ADRA1B: variants seen among roughly 807,000 people sequenced by gnomAD.
ADRA1B encodes the protein alpha-1B adrenergic receptor.
In ADRA1B, 17 loss-of-function variants were observed where a neutral mutation model predicts 17.9. That is an observed-to-expected ratio of 0.95 (90% CI 0.65 to 1.42). The LOEUF is 1.42. Ranked by LOEUF, ADRA1B falls within the 40% of genes most tolerant of loss-of-function variation. The pLI, the probability that ADRA1B is intolerant of heterozygous loss-of-function variation, is 0.00. For missense variants in ADRA1B, 681 were observed against 722.1 expected (o/e 0.94, Z 0.65); for synonymous variants, 366 against 327.6 (o/e 1.12, Z -1.27).
intron 1 of ADRA1B, among the ~76,000 whole-genome samples, chr5:159,880,466 G>T (rs1753851197): frequency 6.6e-6 from 1 of 152,184 alleles, no homozygotes; most frequent in South Asian, 2.1e-4. Context: ...AGACCATGTG[G>T]ACCCAAGATG....
At chr5:159,957,343 A>G (rs531637623) in intron 1 of ADRA1B, among the ~76,000 whole-genome samples, 1 of 151,510 alleles carries the variant, frequency 6.6e-6, no homozygotes, top group South Asian at 2.1e-4. Flanking sequence ...GTCTCTACCA[A>G]AAAAATACAA....
chr5:159,987,729 A>G, the ADRA1B span, among the ~76,000 whole-genome samples: 1 of 152,192 alleles, frequency 6.6e-6, no homozygotes, highest in Non-Finnish European at 1.5e-5. Flanking sequence ...GGAATCTGGG[A>G]GCTCTCTAAA....
the ADRA1B span, among the ~76,000 whole-genome samples, chr5:159,981,079 A>G: frequency 2.0e-5 from 3 of 152,216 alleles, no homozygotes; most frequent in African/African-American, 4.8e-5. Flanking sequence ...GGGGCTCTCA[A>G]ACTTTCCAAC....
chr5:159,925,699 T>C (rs1754627694), intron 1 of ADRA1B, among the ~76,000 whole-genome samples: 2 of 152,124 alleles, frequency 1.3e-5, no homozygotes, highest in South Asian at 4.1e-4. Context: ...GAAAAGACTG[T>C]AAACCACATA....
chr5:159,891,623 A>G (rs1753983575), intron 1 of ADRA1B, among the ~76,000 whole-genome samples: 1 of 152,126 alleles, frequency 6.6e-6, no homozygotes, highest in Admixed American at 6.6e-5. Flanking sequence ...GGCGCAAAAT[A>G]AATTGACTGT....
intron 1 of ADRA1B, chr5:159,871,475 A>G (rs1047410141): frequency 6.6e-6 from 1 of 152,188 alleles, no homozygotes; most frequent in African/African-American, 2.4e-5. Flanking sequence ...AGGCTCTACA[A>G]GAGATTCCAT....
chr5:159,987,075 C>T, the ADRA1B span, among the ~76,000 whole-genome samples: 1 of 152,200 alleles, frequency 6.6e-6, no homozygotes, highest in African/African-American at 2.4e-5. Flanking sequence ...ACGTCCACAC[C>T]CTGCCCCCAG....
chr5:159,882,628 C>T (rs1753874821), intron 1 of ADRA1B, among the ~76,000 whole-genome samples: 1 of 152,212 alleles, frequency 6.6e-6, no homozygotes, highest in Non-Finnish European at 1.5e-5. Flanking sequence ...AGCAAAGCGT[C>T]AGGCATTCAC....
At chr5:159,899,283 G>A (rs765465102) in intron 1 of ADRA1B, among the ~76,000 whole-genome samples, 55 of 145,528 alleles carry the variant, frequency 3.8e-4, no homozygotes, top group Middle Eastern at 3.5e-3. Context: ...AGGAAGGAAG[G>A]AAGGAAGGAA....
intron 1 of ADRA1B, among the ~76,000 whole-genome samples, chr5:159,962,915 CTTTCTT>C (rs1162070244): frequency 1.4e-5 from 1 of 71,304 alleles, no homozygotes; most frequent in Non-Finnish European, 2.9e-5. Flanking sequence ...TTCTTTCTTT[CTTTCTT>C]TTTCTTTTCT....
intron 1 of ADRA1B, among the ~76,000 whole-genome samples, chr5:159,952,154 G>A (rs758000878): frequency 6.6e-6 from 1 of 152,074 alleles, no homozygotes; most frequent in African/African-American, 2.4e-5. Context: ...GGTACAGGAG[G>A]CCCTTCTTAT....
In ADRA1B at chr5:159,972,072, G is replaced by A. The variant is rs1458431039; in HGVS notation, c.1143G>A (p.Leu381=). The change falls in exon 2 of 2, where the codon CTG becomes CTA. Residue 381 remains leucine (L), a synonymous_variant. Coordinates refer to ENST00000306675, the MANE Select transcript of ADRA1B (RefSeq NM_000679.4). ...GCCGACGCCGCCGCCGCCGTCGCCT[G>A]GGCGGCTGCGCCTACACCTACCGGC... ...GRRRRRRRRR[L]GGCAYTYRPW... is the part of the protein sequence containing the mutation. 12 of 1,298,010 alleles carry A rather than the reference G, an allele frequency of 9.2e-6. No individual in the cohort carries two copies. The highest frequency in any genetic ancestry group is 5.2e-5 in the South Asian group (2 of 38,338). The allele number at this position is 1,298,010 out of a possible 1,614,324, so 80.4% of individuals were successfully genotyped here.
At chr5:159,892,054 T>C (rs1456259015) in intron 1 of ADRA1B, among the ~76,000 whole-genome samples, 1 of 152,150 alleles carries the variant, frequency 6.6e-6, no homozygotes, top group Non-Finnish European at 1.5e-5. Context: ...CTGGCCAACA[T>C]GGTGAAACCC....
rs75946789 is a variant in ADRA1B, at chr5:159,941,002, T to C, written c.949+23148T>C. On this transcript the variant is annotated intron_variant, in intron 1 of 1. Transcript: ENST00000306675. ...CTGAATTTCTTCTCTGTGTTGTCTG[T>C]GACAAGAGCTAACTTGGAGTTGCAA... is the stretch of plus-strand genomic sequence containing the variant. Among the ~76,000 whole-genome samples the C allele has an allele frequency of 8.7e-3, 1,327 of 152,310 alleles. 19 individuals are homozygous for C. Among genetic ancestry groups the C allele is most frequent in the African/African-American group, 0.03 (1,243 of 41,576 alleles).
chr5:159,959,309 T>C (rs1379531513), intron 1 of ADRA1B, among the ~76,000 whole-genome samples: 2 of 152,174 alleles, frequency 1.3e-5, no homozygotes, highest in Admixed American at 6.5e-5. Context: ...AGGAATCAAA[T>C]ACAGGCAACA....
intron 1 of ADRA1B, among the ~76,000 whole-genome samples, chr5:159,924,145 C>T (rs1754574461): frequency 6.6e-6 from 1 of 152,224 alleles, no homozygotes; most frequent in Non-Finnish European, 1.5e-5. Flanking sequence ...TAGGAAAATG[C>T]TGTGTTCTTT....
downstream of ADRA1B, among the ~76,000 whole-genome samples, chr5:159,977,522 C>A (rs1755991573): frequency 6.6e-6 from 1 of 152,150 alleles, no homozygotes; most frequent in Non-Finnish European, 1.5e-5. Context: ...GGTTGCCCCC[C>A]AAGATTGGTT....
At chr5:159,965,926 C>A (rs1302042447) in intron 1 of ADRA1B, among the ~76,000 whole-genome samples, 3 of 152,084 alleles carry the variant, frequency 2.0e-5, no homozygotes. Context: ...TGGGTTCAAG[C>A]GAGCATTTTG....
At chr5:159,923,554 T>A (rs1754552225) in intron 1 of ADRA1B, among the ~76,000 whole-genome samples, 2 of 151,934 alleles carry the variant, frequency 1.3e-5, no homozygotes, top group South Asian at 4.1e-4. Flanking sequence ...GGGAACAGAG[T>A]GGGAAGGGGG....
Sources: gnomAD v4.1 joint callset for allele counts (sites outside exome capture counted in the v4.1 genomes callset) on GRCh38, gnomAD v4.1.1 for gene constraint, MANE v1.5 for transcripts, NCBI Gene and HGNC (gene_info 2026-07-23, HGNC 2026-07-21) for gene names.